The following CPM variants were observed in gnomAD, a reference collection of about 807,000 sequenced individuals.
CPM encodes the protein carboxypeptidase M.
Under a neutral mutation model 46.4 loss-of-function variants are expected in CPM, and 35 were observed. That is an observed-to-expected ratio of 0.75 (90% CI 0.58 to 1.00). CPM has a LOEUF of 1.00. CPM is among the 50% of genes least tolerant of loss of function. CPM has a pLI of 0.00. For synonymous variants in CPM, 195 were observed against 195.3 expected, an observed-to-expected ratio of 1.00 and a Z score of 0.01; for missense variants, 422 against 530.4, an observed-to-expected ratio of 0.80 and a Z score of 2.01.
chr12:68,874,540 T>C (rs1885855305), intron 3 of CPM, among the ~76,000 whole-genome samples: 1 of 151,920 alleles, frequency 6.6e-6, no homozygotes, highest in Admixed American at 6.6e-5. Context: ...CGCTTGAACC[T>C]AGGAGGCGGA....
intron 3 of CPM, among the ~76,000 whole-genome samples, chr12:68,873,472 C>T (rs964773686): frequency 3.3e-5 from 5 of 152,014 alleles, no homozygotes; most frequent in African/African-American, 1.2e-4. Flanking sequence ...TTGAGACCAG[C>T]CTGGGCAATA....
At chr12:68,932,893 G>A in intron 1 of CPM, 53 bp from the exon 2 acceptor site, 1 of 1,543,336 alleles carries the variant, frequency 6.5e-7, no homozygotes, top group Non-Finnish European at 8.9e-7. Flanking sequence ...GGCAGGCGGG[G>A]GCATCACCAG....
downstream of CPM, chr12:68,847,211 T>TATATATAC (rs914745312): frequency 7.3e-6 from 1 of 136,478 alleles, no homozygotes; most frequent in African/African-American, 3.0e-5. Context: ...TATATATATA[T>TATATATAC]ACTTTTTTTA....
chr12:68,951,580 A>C (rs1379715902), intron 1 of CPM, among the ~76,000 whole-genome samples: 1 of 152,166 alleles, frequency 6.6e-6, no homozygotes, highest in Non-Finnish European at 1.5e-5. Flanking sequence ...TATGTGTGCA[A>C]AGCTGATAGG....
At position 68,890,728 on chromosome 12, in the gene CPM, A is replaced by G. The variant is rs559774671; in HGVS notation, c.161-4839T>C. Among the ~76,000 whole-genome samples, 5 of 152,362 alleles carry G rather than the reference A, an allele frequency of 3.3e-5. No homozygotes were observed. The East Asian group carries it at 9.6e-4, about 29-fold the overall frequency. ...TCCTGGCTATGACTGATTACAGAAC[A>G]AGACAACTGAATCCGAGGCCACCCC... is the stretch of plus-strand genomic sequence containing the variant. On this transcript the variant is annotated intron_variant, in intron 2 of 8. Coordinates refer to ENST00000551568, the MANE Select transcript of CPM (RefSeq NM_198320.5).
chr12:68,855,915 G>A lies in CPM; in HGVS notation c.*522C>T, dbSNP rs1189191639. The A allele has an allele frequency of 1.3e-5, 2 of 154,924 alleles. No individual in the cohort carries two copies. Among genetic ancestry groups the A allele is most frequent in the African/African-American group, 4.8e-5 (2 of 41,402 alleles). 9.6% of individuals were successfully genotyped at this position (154,924 alleles called of 1,614,324 possible). The stretch of plus-strand genomic sequence containing the variant: ...CACCACACCCCGCTAATATTTAGTA[G>A]AGACAGGGTTTCACCATGTTGGTCA... On this transcript the variant is annotated 3_prime_UTR_variant, in exon 9 of 9. Transcript: ENST00000551568.
intron 2 of CPM, among the ~76,000 whole-genome samples, chr12:68,929,620 A>G (rs901003118): frequency 7.9e-5 from 12 of 152,210 alleles, no homozygotes; most frequent in African/African-American, 2.4e-4. Context: ...GGATTTTAAA[A>G]GTTTCAAAAT....
intron 3 of CPM, among the ~76,000 whole-genome samples, chr12:68,876,408 C>T (rs770374783): frequency 6.6e-6 from 1 of 152,170 alleles, no homozygotes; most frequent in Non-Finnish European, 1.5e-5. Context: ...TAATTCTTCC[C>T]AACCTTAATA....
intron 1 of CPM, among the ~76,000 whole-genome samples, chr12:68,941,726 T>G (rs914743182): frequency 5.9e-5 from 9 of 152,222 alleles, no homozygotes; most frequent in Non-Finnish European, 1.2e-4. Context: ...CTGCTTCTCA[T>G]GTATCTGAGG....
chr12:68,844,462 C>T (rs953367202), intron 5 of CPM: 3 of 228,142 alleles, frequency 1.3e-5, no homozygotes, highest in African/African-American at 2.2e-5. Flanking sequence ...GCAGCCTGGC[C>T]TAAGTGATCG....
intron 2 of CPM, among the ~76,000 whole-genome samples, chr12:68,900,385 C>T (rs566663210): frequency 5.8e-4 from 88 of 152,220 alleles, no homozygotes; most frequent in African/African-American, 2.0e-3. Context: ...ACTGACAACA[C>T]CAAATACTGG....
At chr12:68,937,043 A>T (rs1158943502), upstream of CPM, among the ~76,000 whole-genome samples, 1 of 152,228 alleles carries the variant, frequency 6.6e-6, no homozygotes, top group Non-Finnish European at 1.5e-5. Flanking sequence ...GATTGACAAT[A>T]CCTGGAAGTA....
intron 2 of CPM, among the ~76,000 whole-genome samples, chr12:68,930,898 G>A (rs914235775): frequency 6.6e-6 from 1 of 152,146 alleles, no homozygotes; most frequent in African/African-American, 2.4e-5. Flanking sequence ...ATCATCTTGT[G>A]GTTGAAATGA....
At position 68,915,909 on chromosome 12, in the gene CPM, C is replaced by T. The variant is rs186939663; in HGVS notation, c.160+16769G>A. ...TAAAATGGGAATGTAAGGAACTTAT[C>T]GCAGTTTTTAAATAGCTTAAAGAAG... On this transcript the variant is annotated intron_variant, in intron 2 of 8. Coordinates refer to ENST00000551568, the MANE Select transcript of CPM (RefSeq NM_198320.5). Among the ~76,000 whole-genome samples the T allele has an allele frequency of 5.5e-4, 83 of 152,290 alleles. 1 individual carries two copies. Among genetic ancestry groups the T allele is most frequent in the South Asian group, 2.3e-3 (11 of 4,830 alleles).
At chr12:68,880,397 G>A (rs1451616928) in intron 3 of CPM, among the ~76,000 whole-genome samples, 1 of 152,126 alleles carries the variant, frequency 6.6e-6, no homozygotes, top group African/African-American at 2.4e-5. Context: ...AAGAGTAGGG[G>A]AAAGAAAGGG....
intron 2 of CPM, among the ~76,000 whole-genome samples, chr12:68,920,431 G>A (rs2136305257): frequency 6.6e-6 from 1 of 152,192 alleles, no homozygotes; most frequent in East Asian, 1.9e-4. Context: ...TTTAACGAGT[G>A]GGCTCAACTG....
chr12:68,892,305 C>A (rs1344319143), intron 2 of CPM, among the ~76,000 whole-genome samples: 1 of 152,180 alleles, frequency 6.6e-6, no homozygotes, highest in Non-Finnish European at 1.5e-5. Context: ...TGTCTCCCCT[C>A]TGGGGAGAAC....
intron 5 of CPM, chr12:68,842,364 G>A (rs1275889506): frequency 2.0e-6 from 1 of 494,570 alleles, no homozygotes; most frequent in Non-Finnish European, 4.0e-6. Context: ...TTAACAGGAT[G>A]CAGACATGGC....
chr12:68,958,336 CA>C (rs1592717707), intron 1 of CPM, among the ~76,000 whole-genome samples: 1 of 152,218 alleles, frequency 6.6e-6, no homozygotes, highest in East Asian at 1.9e-4. Context: ...TATTTCTTCA[CA>C]TCCTCTCCAG....
Sources: allele counts gnomAD v4.1 joint callset (sites outside exome capture counted in the v4.1 genomes callset), GRCh38; gene constraint gnomAD v4.1.1; transcripts MANE v1.5; gene names NCBI Gene and HGNC (gene_info 2026-07-23, HGNC 2026-07-21).